Variants in CDHR3 observed in about 807,000 individuals in gnomAD.
CDHR3 encodes the protein cadherin-related family member 3.
In CDHR3, 79 loss-of-function variants were observed where a neutral mutation model predicts 86.6. The ratio of observed to expected loss-of-function variants is 0.91; its 90% CI spans 0.76 to 1.10. CDHR3 has a LOEUF of 1.10. Among genes scored for constraint, CDHR3 ranks in the 50% least tolerant of loss-of-function variants. CDHR3 has a pLI of 0.00. For synonymous variants in CDHR3, 421 were observed against 402.4 expected (o/e 1.05, Z -0.55); for missense variants, 1,081 against 1,077.6 (o/e 1.00, Z -0.04).
intron 7 of CDHR3, among the ~76,000 whole-genome samples, chr7:106,003,989 CAAAA>C: frequency 1.3e-5 from 1 of 79,976 alleles, no homozygotes; most frequent in South Asian, 5.8e-4. Flanking sequence ...CCAACCTAAC[CAAAA>C]AAAAAAAAAA....
At chr7:105,987,905 T>C (rs1336774729) in intron 4 of CDHR3, among the ~76,000 whole-genome samples, 1 of 152,226 alleles carries the variant, frequency 6.6e-6, no homozygotes, top group African/African-American at 2.4e-5. Context: ...TTTGTTTATT[T>C]TTGAGACAGG....
rs138528920 is a variant in CDHR3, at chr7:105,973,836, G to A, written c.47-1008G>A. ...ACAAAAATTAGCCAGGCATGGTGGA[G>A]CACACCTGTAATCACAGCTGCTTGG... On this transcript the variant is annotated intron_variant, in intron 1 of 18. Transcript: ENST00000317716. Among the ~76,000 whole-genome samples the A allele has an allele frequency of 6.1e-3, 935 of 152,214 alleles. 6 individuals carry two copies. The highest frequency in any genetic ancestry group is 0.017 in the Middle Eastern group (5 of 294).
In CDHR3 at chr7:105,996,392, G is replaced by A. The variant is rs761786153; in HGVS notation, c.713+38G>A. The A allele has an allele frequency of 3.1e-6, 4 of 1,275,380 alleles. No individual in the cohort carries two copies. In the Admixed American group the frequency reaches 5.6e-5, roughly 18 times the overall value. 79.0% of individuals were successfully genotyped at this position (1,275,380 alleles called of 1,614,324 possible). ...GCATGCAGGACTCCCTGGGCCGCAG[G>A]TGCGTCCTTCTTAGGCGGCCTCGTC... On this transcript the variant is annotated intron_variant, in intron 6 of 18. Coordinates refer to ENST00000317716, the MANE Select transcript of CDHR3 (RefSeq NM_152750.5).
intron 2 of CDHR3, among the ~76,000 whole-genome samples, chr7:105,975,654 C>T (rs1232848907): frequency 1.3e-5 from 2 of 152,146 alleles, no homozygotes; most frequent in Non-Finnish European, 2.9e-5. Flanking sequence ...CTGTCACTTC[C>T]CTAAAGTGGG....
intron 6 of CDHR3, among the ~76,000 whole-genome samples, chr7:106,000,355 T>G (rs1832945667): frequency 1.3e-5 from 2 of 152,240 alleles, no homozygotes; most frequent in South Asian, 4.1e-4. Flanking sequence ...TGCCTTTCTC[T>G]GACTGCCCCT....
At chr7:106,012,798 G>A in intron 8 of CDHR3, 62 bp from the exon 9 acceptor site, 1 of 1,519,460 alleles carries the variant, frequency 6.6e-7, no homozygotes, top group South Asian at 1.3e-5. Flanking sequence ...CAGGGCCCAT[G>A]TGAGAAGGAA....
At chr7:106,011,536 A>G (rs1202401059) in intron 8 of CDHR3, among the ~76,000 whole-genome samples, 1 of 152,226 alleles carries the variant, frequency 6.6e-6, no homozygotes, top group African/African-American at 2.4e-5. Context: ...CAGTGACCAC[A>G]GAGACCAGCT....
chr7:105,994,935 G>C (rs1831952322), intron 5 of CDHR3, 90 bp downstream of exon 5: 1 of 1,009,036 alleles, frequency 9.9e-7, no homozygotes, highest in Non-Finnish European at 1.5e-6. Context: ...CCTGAGGGCA[G>C]CTGGGGGGAG....
chr7:105,963,294 G>A lies in CDHR3; in HGVS notation c.-25G>A. ...TCAGGCTGTGGCTAATGTGCTGGAA[G>A]CACGCACAGTTGTGACCATCAAGTA... On this transcript the variant is annotated 5_prime_UTR_variant, in exon 1 of 19. Transcript: ENST00000317716. The A allele has an allele frequency of 6.2e-7, 1 of 1,612,806 alleles. No individual in the cohort carries two copies. The highest frequency in any genetic ancestry group is 8.5e-7 in the Non-Finnish European group (1 of 1,178,792).
Position 106,034,414 on chromosome 7 carries a change from G to GATCT in CDHR3, c.*1720_*1721insTATC, listed in dbSNP as rs137964614. Among the ~76,000 whole-genome samples, 2 of 151,824 alleles carry GATCT rather than the reference G, an allele frequency of 1.3e-5. No individual in the cohort carries two copies. Among genetic ancestry groups the GATCT allele is most frequent in the African/African-American group, 4.8e-5 (2 of 41,382 alleles). On this transcript the variant is annotated 3_prime_UTR_variant, in exon 19 of 19. Transcript: ENST00000317716. ...ACAAGGTCCTGTGGGAGACAGACTG[G>GATCT]ATCCAGCAAATGTAGAGCTTCAGAG...
intron 11 of CDHR3, among the ~76,000 whole-genome samples, 160 bp from the exon 12 acceptor site, chr7:106,017,686 A>C (rs1835875280): frequency 6.6e-6 from 1 of 151,964 alleles, no homozygotes; most frequent in South Asian, 2.1e-4. Flanking sequence ...GTTGGTTAGC[A>C]TTATTTCAAT....
chr7:105,975,194 C>A (rs1021693834), intron 2 of CDHR3, 148 bp downstream of exon 2: 1 of 711,762 alleles, frequency 1.4e-6, no homozygotes, highest in African/African-American at 1.7e-5. Context: ...TGAGGCATCC[C>A]AGGGCCTTCT....
At position 106,022,283 on chromosome 7, in the gene CDHR3, T is replaced by C; in HGVS notation, c.1911T>C (p.Ala637=). ...RLLLTSRFDY[A]GGFDKIWDYK... is the part of the protein sequence containing the mutation. ...TGCTTACATCTCGCTTTGACTATGC[T>C]GGTGGGTTTGATAAGATCTGGGACT... Residue 637 remains alanine, a synonymous_variant, in exon 14 of 19, where the codon GCT becomes GCC. Coordinates refer to ENST00000317716, the MANE Select transcript of CDHR3 (RefSeq NM_152750.5). 1 of 1,614,040 alleles carries C rather than the reference T, an allele frequency of 6.2e-7. No individual in the cohort carries two copies. The highest frequency in any genetic ancestry group is 8.5e-7 in the Non-Finnish European group (1 of 1,179,910).
At position 106,030,733 on chromosome 7, in the gene CDHR3, C is replaced by G; in HGVS notation, c.2305-59C>G. The G allele has an allele frequency of 6.5e-7, 1 of 1,540,076 alleles. No homozygotes were observed. The highest frequency in any genetic ancestry group is 8.9e-7 in the Non-Finnish European group (1 of 1,125,872). On this transcript the variant is annotated intron_variant, in intron 17 of 18. Transcript: ENST00000317716. The surrounding 1 kb of genome is among the most constrained non-coding windows in gnomAD (Gnocchi z 4.8). ...GAACTTGGGTTGTGAGGATGTGTAG[C>G]TTTGCCTGGGGGAAGGAATGTAGGA...
In CDHR3 at chr7:106,020,435, C is replaced by T; in HGVS notation, c.1716C>T (p.Phe572=). Residue 572 remains phenylalanine, a synonymous_variant, in exon 13 of 19, where the codon TTC becomes TTT. Coordinates refer to ENST00000317716, the MANE Select transcript of CDHR3 (RefSeq NM_152750.5). The stretch of plus-strand genomic sequence containing the variant: ...CAATTTGTACTCCAAACTCTTATTT[C>T]CTGGCCCTCCCAGTGGATCTGAAAG... ...EKPICTPNSY[F]LALPVDLKVG... 6.2e-7 allele frequency: 1 copy of T among 1,614,008 alleles called. No homozygotes were observed.
chr7:106,011,648 A>T (rs1485873798), intron 8 of CDHR3, among the ~76,000 whole-genome samples: 1 of 152,202 alleles, frequency 6.6e-6, no homozygotes, highest in Non-Finnish European at 1.5e-5. Context: ...ACAGTGTGTT[A>T]TGTAGTAAAA....
intron 8 of CDHR3, among the ~76,000 whole-genome samples, chr7:106,008,013 T>C (rs1284867458): frequency 5.9e-5 from 9 of 152,160 alleles, no homozygotes; most frequent in Non-Finnish European, 1.2e-4. Context: ...CTTACGTGGA[T>C]GGCAGCAGGC....
chr7:106,013,161 T>C, intron 9 of CDHR3, 130 bp downstream of exon 9: 1 of 725,878 alleles, frequency 1.4e-6, no homozygotes, highest in Non-Finnish European at 2.1e-6. Context: ...CTGACAGGCT[T>C]AATAGTGAGT....
chr7:105,971,798 T>C (rs1828016998), intron 1 of CDHR3, among the ~76,000 whole-genome samples: 1 of 152,128 alleles, frequency 6.6e-6, no homozygotes, highest in African/African-American at 2.4e-5. Flanking sequence ...AGCAAGTCCC[T>C]TCTACCTGAG....
Sources: allele counts gnomAD v4.1 joint callset (sites outside exome capture counted in the v4.1 genomes callset), GRCh38; gene constraint gnomAD v4.1.1; non-coding constraint Gnocchi (gnomAD v3.1); transcripts MANE v1.5; gene names NCBI Gene and HGNC (gene_info 2026-07-23, HGNC 2026-07-21).